Variants in IGF2R observed in about 807,000 individuals in gnomAD.
IGF2R encodes the protein cation-independent mannose-6-phosphate receptor.
A neutral mutation model predicts 270.6 loss-of-function variants in IGF2R; 91 were observed. The ratio of observed to expected loss-of-function variants is 0.34; its 90% CI spans 0.28 to 0.40. The LOEUF (loss-of-function observed/expected upper bound fraction) is 0.40. Ranked by LOEUF, IGF2R falls within the 10% of genes least tolerant of loss-of-function variation. IGF2R has a pLI of 1.00. For synonymous variants in IGF2R, 1,316 were observed against 1,258.9 expected (o/e 1.05, Z -0.96); for missense variants, 2,805 against 3,188.3 (o/e 0.88, Z 2.90).
Position 160,056,405 on chromosome 6 carries a change from C to T in IGF2R, c.2695-19C>T. Reference sequence around the variant, plus strand: ...TCCATGTTACTGTATTGACTTTTACCCTGGATTTGCCCATTCAGAACAGCC... The same window carrying T: ...TCCATGTTACTGTATTGACTTTTACTCTGGATTTGCCCATTCAGAACAGCC... On this transcript the variant is annotated intron_variant, in intron 19 of 47. Transcript: ENST00000356956. 1 of 1,548,080 alleles carries T rather than the reference C, an allele frequency of 6.5e-7. No individual in the cohort carries two copies. The highest frequency in any genetic ancestry group is 1.1e-5 in the South Asian group (1 of 89,782).
At chr6:160,001,877 C>T (rs1428980159) in intron 2 of IGF2R, among the ~76,000 whole-genome samples, 1 of 152,160 alleles carries the variant, frequency 6.6e-6, no homozygotes, top group Non-Finnish European at 1.5e-5. Flanking sequence ...ATTTTATATG[C>T]ATTTGACCCT....
intron 1 of IGF2R, among the ~76,000 whole-genome samples, chr6:159,977,792 C>G (rs1464918680): frequency 1.3e-5 from 2 of 152,104 alleles, no homozygotes. Context: ...TGTGTCCAGT[C>G]AGGATGCTAA....
At chr6:160,062,932 A>C (rs1336591536) in intron 26 of IGF2R, among the ~76,000 whole-genome samples, 1 of 142,992 alleles carries the variant, frequency 7.0e-6, no homozygotes, top group Non-Finnish European at 1.5e-5. Flanking sequence ...AGACTTTCCT[A>C]GAAAGCTGTT....
chr6:159,985,786 T>C (rs73594483), intron 1 of IGF2R, among the ~76,000 whole-genome samples: 1,635 of 152,156 alleles, frequency 0.011, 29 homozygotes, highest in African/African-American at 0.038. Flanking sequence ...GCCTTTGGAG[T>C]GCATTTGGAT....
At chr6:160,075,710 A>G in intron 35 of IGF2R, 137 bp from the exon 36 acceptor site, 1 of 784,108 alleles carries the variant, frequency 1.3e-6, no homozygotes, top group Non-Finnish European at 2.1e-6. Context: ...GTTGGTATAA[A>G]CCCAGTTTCT....
intron 21 of IGF2R, 128 bp downstream of exon 21, chr6:160,058,252 G>T: frequency 1.5e-6 from 1 of 658,388 alleles, no homozygotes. Flanking sequence ...TACTCAGAAG[G>T]AGATGGGAAA....
rs559699129 is a variant in IGF2R, at chr6:160,048,226, G to A, written c.2346-149G>A. 22 of 754,712 alleles carry A rather than the reference G, an allele frequency of 2.9e-5. 1 individual carries two copies. The highest frequency in any genetic ancestry group is 2.2e-4 in the South Asian group (14 of 64,296). 46.8% of individuals were successfully genotyped at this position (754,712 alleles called of 1,614,324 possible). On this transcript the variant is annotated intron_variant, in intron 17 of 47. Coordinates refer to ENST00000356956, the MANE Select transcript of IGF2R (RefSeq NM_000876.4). ...CGAAGGTGGAGTGTAATCCTGGTGCGTCATGCGCCCAGACAAGCCAACTCC... is the reference window on the plus strand; with the variant it reads ...CGAAGGTGGAGTGTAATCCTGGTGCATCATGCGCCCAGACAAGCCAACTCC...
rs149633151 is a variant in IGF2R, at chr6:160,079,776, G to T, written c.5675G>T (p.Arg1892Leu). The T allele has an allele frequency of 1.4e-6, 2 of 1,448,420 alleles. No individual in the cohort carries two copies. The highest frequency in any genetic ancestry group is 1.4e-5 in the African/African-American group (1 of 69,752). The allele number at this position is 1,448,420 out of a possible 1,614,324, so 89.7% of individuals were successfully genotyped here. The change falls in exon 38 of 48, where the codon CGT (arginine) becomes CTT (leucine). Residue 1892 changes from arginine to leucine, a missense_variant. Coordinates refer to ENST00000356956, the MANE Select transcript of IGF2R (RefSeq NM_000876.4). Reference protein sequence around the residue: ...AVVLSYVNGDRCPPETDDGVP... With the variant: ...AVVLSYVNGDLCPPETDDGVP... The stretch of plus-strand genomic sequence containing the variant: ...GTTTTAAGTTACGTGAATGGTGATC[G>T]TTGCCCTCCAGGTAAATATTTGCAA...
chr6:160,064,643 GTTTAAAATAACC>G, intron 28 of IGF2R, 112 bp downstream of exon 28: 1 of 1,285,576 alleles, frequency 7.8e-7, no homozygotes, highest in Admixed American at 2.0e-5. Context: ...GGTTAACTGA[GTTTAAAATAACC>G]ATTTACAGAA....
At chr6:160,093,587 C>G in intron 44 of IGF2R, 2 of 677,198 alleles carry the variant, frequency 3.0e-6, no homozygotes, top group South Asian at 1.5e-5. Flanking sequence ...TGCCATCAAC[C>G]CAGTGGGGGA....
intron 29 of IGF2R, among the ~76,000 whole-genome samples, chr6:160,066,787 GTTCTAT>G (rs1778594449): frequency 6.6e-6 from 1 of 152,150 alleles, no homozygotes; most frequent in South Asian, 2.1e-4. Context: ...GGCTTTGTTA[GTTCTAT>G]TTCTGTTTCT....
intron 1 of IGF2R, among the ~76,000 whole-genome samples, chr6:159,983,226 G>C (rs1159275867): frequency 6.6e-6 from 1 of 152,188 alleles, no homozygotes; most frequent in African/African-American, 2.4e-5. Flanking sequence ...TCTGGACCAG[G>C]GTGGGTTTCG....
rs199531843 is a variant in IGF2R at position 160,068,238 on chromosome 6, C to T, written c.4116-11C>T. 3.3e-5 allele frequency: 54 copies of T among 1,614,042 alleles called. No individual in the cohort carries two copies. Among genetic ancestry groups the T allele is most frequent in the Non-Finnish European group, 4.3e-5 (51 of 1,179,892 alleles). On this transcript the variant is annotated splice_polypyrimidine_tract_variant and intron_variant, in intron 29 of 47. Coordinates refer to ENST00000356956, the MANE Select transcript of IGF2R (RefSeq NM_000876.4). ...CCAAGCCTAACTAACTGCGGGTTTT[C>T]TTCTTTTCAGAGATGGGGCTGGCAA...
intron 1 of IGF2R, among the ~76,000 whole-genome samples, chr6:159,974,494 A>G (rs550915025): frequency 6.6e-6 from 1 of 152,064 alleles, no homozygotes; most frequent in Non-Finnish European, 1.5e-5. Flanking sequence ...CTTGCCTTTA[A>G]ATTTTCTCAG....
chr6:160,023,809 G>A (rs1027528778), intron 4 of IGF2R, among the ~76,000 whole-genome samples: 12 of 152,198 alleles, frequency 7.9e-5, no homozygotes, highest in Non-Finnish European at 1.6e-4. Flanking sequence ...AACCATGCAC[G>A]AGGTCACCAA....
chr6:160,067,354 A>G (rs1562365142), intron 29 of IGF2R, among the ~76,000 whole-genome samples: 2 of 151,158 alleles, frequency 1.3e-5, no homozygotes. Context: ...TAAAATTTCA[A>G]CAGCTGCCTC....
At chr6:160,064,335 C>T in intron 27 of IGF2R, 66 bp from the exon 28 acceptor site, 1 of 1,595,802 alleles carries the variant, frequency 6.3e-7, no homozygotes, top group South Asian at 1.1e-5. Context: ...TGTCACATGT[C>T]TTAGGCTAAG....
intron 1 of IGF2R, among the ~76,000 whole-genome samples, chr6:159,981,517 T>C (rs1193706288): frequency 1.3e-4 from 20 of 152,198 alleles, no homozygotes; most frequent in Admixed American, 1.3e-3. Context: ...TTTGTAAACT[T>C]AGTTTTTAAG....
chr6:160,047,735 T>A (rs1308539513), intron 16 of IGF2R, 57 bp from the exon 17 acceptor site: 1 of 1,090,586 alleles, frequency 9.2e-7, no homozygotes, highest in Non-Finnish European at 1.4e-6. Flanking sequence ...GAATCCTGGT[T>A]TTATGTCACG....
Sources: gnomAD v4.1 joint callset for allele counts (sites outside exome capture counted in the v4.1 genomes callset) on GRCh38, gnomAD v4.1.1 for gene constraint, MANE v1.5 for transcripts, NCBI Gene and HGNC (gene_info 2026-07-23, HGNC 2026-07-21) for gene names.